Variants in LOXHD1 observed in about 807,000 individuals in gnomAD.
The protein encoded by LOXHD1 is lipoxygenase homology domain-containing protein 1.
In LOXHD1, 205 loss-of-function variants were observed where a neutral mutation model predicts 248.2. The observed-to-expected ratio is 0.83, with a 90% CI of 0.74 to 0.93. The LOEUF is 0.93. LOXHD1 is among the 40% of genes least tolerant of loss of function. LOXHD1 has a pLI of 0.00. For synonymous variants in LOXHD1, 1,113 were observed against 1,162.8 expected, an observed-to-expected ratio of 0.96 and a Z score of 0.87; for missense variants, 2,930 against 2,971.6, an observed-to-expected ratio of 0.99 and a Z score of 0.33.
In LOXHD1 at chr18:46,559,451, C is replaced by T. The variant is rs1414339716; in HGVS notation, c.3213G>A (p.Gly1071=). 4 of 1,552,126 alleles carry T rather than the reference C, an allele frequency of 2.6e-6. No homozygotes were observed. Among genetic ancestry groups the T allele is most frequent in the Admixed American group, 2.0e-5 (1 of 51,006 alleles). Residue 1071 remains glycine (G), a synonymous_variant, in exon 20 of 41, where the codon GGG becomes GGA. Transcript: ENST00000642948. ...GGGCCAGAGACCCTCACCCTACCTG[C>T]CCCTGCTCAAATTTGTTGGACTTGT... ...KSDKSNKFEQ[G]QTDTFTIYAI...
At chr18:46,620,939 C>G (rs1433280088) in intron 4 of LOXHD1, among the ~76,000 whole-genome samples, 1 of 152,140 alleles carries the variant, frequency 6.6e-6, no homozygotes, top group Non-Finnish European at 1.5e-5. Context: ...TCTGGAGAAG[C>G]AGACCACGAG....
intron 33 of LOXHD1, chr18:46,519,062 C>T (rs1460903396): frequency 2.0e-6 from 2 of 985,450 alleles, no homozygotes; most frequent in Non-Finnish European, 2.4e-6. Context: ...CAAGCCCCCA[C>T]CTCGGTTCTT....
At chr18:46,554,535 G>T (rs914601531) in intron 21 of LOXHD1, among the ~76,000 whole-genome samples, 7 of 152,144 alleles carry the variant, frequency 4.6e-5, no homozygotes, top group African/African-American at 1.7e-4. Flanking sequence ...GCATAGAGTT[G>T]CTCTTGGCTT....
rs865936689 is a variant in LOXHD1, at chr18:46,477,737, C to T, written c.6557G>A (p.Gly2186Asp). The change falls in exon 41 of 41, where the codon GGC (glycine) becomes GAC (aspartate). Residue 2186 changes from glycine to aspartate, a missense_variant. Transcript: ENST00000642948. ...VTIFGANGDT[G>D]KRELKQKMRN... ...CATTTTCTGCTTCAGCTCCCGCTTGCCTGTGTCTCCGTTGGCCCCAAAGAT... is the reference window on the plus strand; with the variant it reads ...CATTTTCTGCTTCAGCTCCCGCTTGTCTGTGTCTCCGTTGGCCCCAAAGAT... 4 of 1,551,962 alleles carry T rather than the reference C, an allele frequency of 2.6e-6. No individual in the cohort carries two copies. The African/African-American group carries it at 5.5e-5, about 21-fold the overall frequency.
intron 12 of LOXHD1, among the ~76,000 whole-genome samples, chr18:46,588,919 G>T (rs1448222287): frequency 1.3e-5 from 2 of 152,184 alleles, no homozygotes; most frequent in Admixed American, 1.3e-4. Context: ...TCACAACAGT[G>T]CTGGGAGGGC....
intron 18 of LOXHD1, among the ~76,000 whole-genome samples, chr18:46,561,394 G>A (rs188672782): frequency 3.3e-5 from 5 of 152,212 alleles, no homozygotes; most frequent in Non-Finnish European, 7.3e-5. Context: ...CCTGAGCTCT[G>A]TCCTGAGCCC....
At chr18:46,531,190 C>A (rs557656026) in intron 28 of LOXHD1, among the ~76,000 whole-genome samples, 2 of 152,256 alleles carry the variant, frequency 1.3e-5, no homozygotes, top group Admixed American at 6.5e-5. Context: ...GTCAGAGACA[C>A]CGCCAGGGGC....
At chr18:46,511,659 C>A (rs17767676) in intron 34 of LOXHD1, among the ~76,000 whole-genome samples, 11,601 of 152,288 alleles carry the variant, frequency 0.076, 533 homozygotes, top group Middle Eastern at 0.13. Flanking sequence ...GGCATTGCTA[C>A]AAAGCCCGGG....
intron 40 of LOXHD1, among the ~76,000 whole-genome samples, chr18:46,480,095 A>G (rs1364883776): frequency 6.6e-6 from 1 of 152,200 alleles, no homozygotes; most frequent in Non-Finnish European, 1.5e-5. Flanking sequence ...AGATACTTGC[A>G]TTGTTTTAAA....
chr18:46,607,518 T>C (rs1241736018), intron 6 of LOXHD1, among the ~76,000 whole-genome samples: 2 of 151,008 alleles, frequency 1.3e-5, no homozygotes, highest in Non-Finnish European at 2.9e-5. Flanking sequence ...AATAGAAAAA[T>C]GACTAGAGGA....
At chr18:46,517,208 C>T (rs760282484) in intron 34 of LOXHD1, among the ~76,000 whole-genome samples, 1 of 152,098 alleles carries the variant, frequency 6.6e-6, no homozygotes, top group Non-Finnish European at 1.5e-5. Context: ...AGTGGCTGAA[C>T]ATGACAAACC....
At chr18:46,562,361 A>G (rs986263052) in intron 18 of LOXHD1, among the ~76,000 whole-genome samples, 1 of 152,218 alleles carries the variant, frequency 6.6e-6, no homozygotes, top group Non-Finnish European at 1.5e-5. Flanking sequence ...GCCTGCACAC[A>G]TATATCTGCA....
rs2033291370 is a variant in LOXHD1, at chr18:46,489,202, T to G, written c.5879-60A>C. 3 of 1,515,820 alleles carry G rather than the reference T, an allele frequency of 2.0e-6. No individual in the cohort carries two copies. In the Admixed American group the frequency reaches 5.9e-5, roughly 30 times the overall value. 93.9% of individuals were successfully genotyped at this position (1,515,820 alleles called of 1,614,324 possible). On this transcript the variant is annotated intron_variant, in intron 37 of 40. Transcript: ENST00000642948. ...ATGTGCCTTCCCTCCCCTTTCAGAC[T>G]TCTACATCCCCACAACCCATTGGCT...
chr18:46,611,314 C>CT (rs2038505573), intron 5 of LOXHD1, among the ~76,000 whole-genome samples: 1 of 152,200 alleles, frequency 6.6e-6, no homozygotes, highest in Non-Finnish European at 1.5e-5. Context: ...GACCTGACTC[C>CT]TTTTCTGGAA....
intron 2 of LOXHD1, among the ~76,000 whole-genome samples, chr18:46,645,433 C>T (rs1250929819): frequency 6.6e-6 from 1 of 152,200 alleles, no homozygotes; most frequent in Non-Finnish European, 1.5e-5. Flanking sequence ...AAATGCCAGG[C>T]ATTCTCTGAC....
chr18:46,479,232 A>ATATG (rs1555651828), intron 40 of LOXHD1, among the ~76,000 whole-genome samples: 6 of 72,036 alleles, frequency 8.3e-5, no homozygotes, highest in African/African-American at 3.3e-4. Flanking sequence ...TTGTATATAT[A>ATATG]TGTATGTGTG....
chr18:46,611,692 T>C (rs538065803), intron 5 of LOXHD1, among the ~76,000 whole-genome samples: 2 of 152,194 alleles, frequency 1.3e-5, no homozygotes, highest in Non-Finnish European at 2.9e-5. Flanking sequence ...AAGACATTCA[T>C]GTACCCACCA....
intron 21 of LOXHD1, among the ~76,000 whole-genome samples, chr18:46,556,390 C>T (rs1035270366): frequency 3.3e-5 from 5 of 152,140 alleles, no homozygotes; most frequent in African/African-American, 9.7e-5. Flanking sequence ...GATTGGAAAT[C>T]CTGTCTCTCT....
At chr18:46,642,181 C>A in intron 2 of LOXHD1, 145 bp from the exon 3 acceptor site, 1 of 761,246 alleles carries the variant, frequency 1.3e-6, no homozygotes, top group Non-Finnish European at 2.2e-6. Context: ...CCAAGATTCC[C>A]TTCTGACATG....
Sources: gnomAD v4.1 joint callset for allele counts (sites outside exome capture counted in the v4.1 genomes callset) on GRCh38, gnomAD v4.1.1 for gene constraint, MANE v1.5 for transcripts, NCBI Gene and HGNC (gene_info 2026-07-23, HGNC 2026-07-21) for gene names.